The following CNTRL variants were observed in gnomAD, a reference collection of about 807,000 sequenced individuals.
CNTRL encodes 110 kDa centrosomal protein.
A neutral mutation model predicts 303.7 loss-of-function variants in CNTRL; 233 were observed. The ratio of observed to expected loss-of-function variants is 0.77; its 90% confidence interval spans 0.69 to 0.86. The LOEUF (loss-of-function observed/expected upper bound fraction) is 0.86. Ranked by LOEUF, CNTRL falls within the 40% of genes least tolerant of loss-of-function variation. The pLI, the probability that CNTRL is intolerant of heterozygous loss-of-function variation, is 0.00. For missense variants in CNTRL, 2,524 were observed against 2,650.6 expected (o/e 0.95, Z 1.05); for synonymous variants, 900 against 922.2 (o/e 0.98, Z 0.44).
Position 121,144,302 on chromosome 9 carries a change from G to T in CNTRL, c.3051+220G>T, listed in dbSNP as rs2051703326. 2.0e-5 allele frequency among the ~76,000 whole-genome samples: 3 copies of T among 152,236 alleles called. No individual in the cohort carries two copies. The South Asian group carries it at 6.2e-4, about 32-fold the overall frequency. Reference sequence around the variant, plus strand: ...ACTGCGTTCTACTGAGCCCTGAAAGGAATCATCAAATAAACATGCTATCCC... The same window carrying T: ...ACTGCGTTCTACTGAGCCCTGAAAGTAATCATCAAATAAACATGCTATCCC... On this transcript the variant is annotated intron_variant, in intron 20 of 43. Transcript: ENST00000373855.
intron 14 of CNTRL, among the ~76,000 whole-genome samples, chr9:121,130,278 T>C (rs2050777793): frequency 2.0e-5 from 3 of 152,226 alleles, no homozygotes; most frequent in African/African-American, 7.2e-5. Flanking sequence ...TTTTGGTTGG[T>C]AGGCTATTAA....
chr9:121,114,642 C>T (rs2049897771), intron 10 of CNTRL, among the ~76,000 whole-genome samples: 1 of 152,166 alleles, frequency 6.6e-6, no homozygotes, highest in Non-Finnish European at 1.5e-5. Context: ...AGATCATCAA[C>T]AGCTGGGAGA....
At chr9:121,096,009 T>A (rs1489117446) in intron 5 of CNTRL, among the ~76,000 whole-genome samples, 1 of 152,250 alleles carries the variant, frequency 6.6e-6, no homozygotes, top group African/African-American at 2.4e-5. Flanking sequence ...GCATAGCTAA[T>A]CTTTTTATGA....
chr9:121,166,003 G>A lies in CNTRL; in HGVS notation c.5582-104G>A. 5 of 794,310 alleles carry A rather than the reference G, an allele frequency of 6.3e-6. No individual in the cohort carries two copies. In the South Asian group the frequency reaches 7.7e-5, roughly 12 times the overall value. 49.2% of individuals were successfully genotyped at this position (794,310 alleles called of 1,614,324 possible). On this transcript the variant is annotated intron_variant, in intron 35 of 43. Transcript: ENST00000373855. ...GTGTGGCATAGTCATACATGTAACA[G>A]GAGTAAGCTTAAAACAACTTCTCTA...
chr9:121,157,573 A>G lies in CNTRL; in HGVS notation c.4469A>G (p.Asn1490Ser). ...LERRAQETAV[N>S]LVKADQQLRS... is the part of the protein sequence containing the mutation. The stretch of plus-strand genomic sequence containing the variant: ...AGGAGAGCTCAGGAAACTGCTGTTA[A>G]CCTCGTCAAAGCTGATCAGCAGCTA... Residue 1490 changes from asparagine to serine, a missense_variant, in exon 28 of 44, where the codon AAC becomes AGC. By Grantham distance (46) the Asn-to-Ser change is conservative. Transcript: ENST00000373855. 1.2e-6 allele frequency: 2 copies of G among 1,614,142 alleles called. No individual in the cohort carries two copies.
intron 43 of CNTRL, among the ~76,000 whole-genome samples, chr9:121,176,142 A>AT (rs1267199104): frequency 1.6e-4 from 25 of 152,286 alleles, no homozygotes; most frequent in African/African-American, 5.8e-4. Flanking sequence ...ATATCATCTA[A>AT]TTTTTACATC....
intron 14 of CNTRL, among the ~76,000 whole-genome samples, chr9:121,128,185 G>T (rs1321671631): frequency 1.3e-5 from 2 of 152,140 alleles, no homozygotes; most frequent in Non-Finnish European, 2.9e-5. Flanking sequence ...GGGTCAAATG[G>T]TATTTCTAGT....
At chr9:121,136,539 G>A (rs933087281) in intron 15 of CNTRL, among the ~76,000 whole-genome samples, 2 of 152,066 alleles carry the variant, frequency 1.3e-5, no homozygotes, top group African/African-American at 2.4e-5. Context: ...ACAAACTCCC[G>A]ACCTCAGGCG....
chr9:121,165,199 T>A (rs4836841), intron 35 of CNTRL, 99 bp downstream of exon 35: 792,639 of 1,166,108 alleles, frequency 0.68, 276,054 homozygotes, highest in South Asian at 0.89. Context: ...ATGAGCATGG[T>A]GTTTCTTTCT....
intron 7 of CNTRL, among the ~76,000 whole-genome samples, chr9:121,098,864 C>T (rs1046425488): frequency 5.3e-5 from 8 of 151,562 alleles, no homozygotes; most frequent in Non-Finnish European, 1.2e-4. Flanking sequence ...ACAGGGGAAC[C>T]CTCTTTGTGG....
At chr9:121,107,036 T>C (rs1056284246) in intron 7 of CNTRL, among the ~76,000 whole-genome samples, 2 of 152,128 alleles carry the variant, frequency 1.3e-5, no homozygotes. Flanking sequence ...ACAGCTAAGC[T>C]ATTTGATCAC....
At chr9:121,127,583 C>T (rs944055187) in intron 14 of CNTRL, among the ~76,000 whole-genome samples, 3 of 151,608 alleles carry the variant, frequency 2.0e-5, no homozygotes, top group African/African-American at 4.9e-5. Flanking sequence ...TGCCTTTCAC[C>T]GAGAGTCACC....
At chr9:121,123,822 A>G (rs1385829317) in intron 12 of CNTRL, 109 bp from the exon 13 acceptor site, 2 of 831,690 alleles carry the variant, frequency 2.4e-6, no homozygotes, top group Non-Finnish European at 3.4e-6. Flanking sequence ...AATAGATGCA[A>G]ATTATTATAT....
chr9:121,150,137 GT>G, intron 24 of CNTRL, 32 bp from the exon 25 acceptor site: 1 of 1,540,370 alleles, frequency 6.5e-7, no homozygotes, highest in Non-Finnish European at 8.8e-7. Context: ...ACACTCTTTT[GT>G]TGAATAAACT....
chr9:121,084,938 G>T (rs2048288758), intron 2 of CNTRL, among the ~76,000 whole-genome samples: 3 of 152,168 alleles, frequency 2.0e-5, no homozygotes. Flanking sequence ...TATAGGAAAA[G>T]AAATATTTTT....
At chr9:121,164,433 G>T (rs965655348) in intron 34 of CNTRL, among the ~76,000 whole-genome samples, 5 of 152,166 alleles carry the variant, frequency 3.3e-5, no homozygotes, top group African/African-American at 1.2e-4. Flanking sequence ...TAAACAAATT[G>T]TGGTATATCC....
At chr9:121,171,922 T>G (rs192923767) in intron 40 of CNTRL, among the ~76,000 whole-genome samples, 332 of 152,300 alleles carry the variant, frequency 2.2e-3, no homozygotes, top group Non-Finnish European at 3.5e-3. Flanking sequence ...GGGGGAAACC[T>G]TTGATATCAC....
Position 121,154,770 on chromosome 9 carries a change from G to A in CNTRL, c.4222G>A (p.Glu1408Lys). ...GAGTCTTATGACTGAACTAGAAATA[G>A]AAAAATCACTCAAACATCATGAAGA... ...VESLMTELEI[E>K]KSLKHHEDIV... Residue 1408 changes from glutamate to lysine, a missense_variant, in exon 27 of 44, where the codon GAA (glutamate) becomes AAA (lysine). Physicochemically the swap from Glu to Lys is moderately conservative, Grantham distance 56. Transcript: ENST00000373855. The A allele has an allele frequency of 6.2e-7, 1 of 1,611,682 alleles. No homozygotes were observed. Among genetic ancestry groups the A allele is most frequent in the South Asian group, 1.1e-5 (1 of 90,998 alleles).
chr9:121,155,374 C>G lies in CNTRL; in HGVS notation c.4365+461C>G, dbSNP rs183274910. On this transcript the variant is annotated intron_variant, in intron 27 of 43. Coordinates refer to ENST00000373855, the MANE Select transcript of CNTRL (RefSeq NM_007018.6). ...ATAATGATACAAAATATTTTTTGGT[C>G]AGAGATAATTTTCTTTTTTTTGTTT... 3.8e-4 allele frequency among the ~76,000 whole-genome samples: 58 copies of G among 152,124 alleles called. 1 individual carries two copies. The South Asian group carries it at 0.012, about 30-fold the overall frequency.
Sources: allele counts gnomAD v4.1 joint callset (sites outside exome capture counted in the v4.1 genomes callset), GRCh38; gene constraint gnomAD v4.1.1; transcripts MANE v1.5; gene names NCBI Gene and HGNC (gene_info 2026-07-23, HGNC 2026-07-21).